The following TTK variants were observed in gnomAD, a reference collection of about 807,000 sequenced individuals.
TTK encodes the protein TTK protein kinase, also known as dual specificity protein kinase TTK.
In TTK, 59 loss-of-function variants were observed where a neutral mutation model predicts 117.3. That is an observed-to-expected ratio of 0.50 (90% CI 0.41 to 0.62). The LOEUF is 0.62. TTK is among the 20% of genes least tolerant of loss of function. The pLI, the probability that TTK is intolerant of heterozygous loss-of-function variation, is 0.00. For missense variants in TTK, 921 were observed against 989.4 expected, an observed-to-expected ratio of 0.93 and a Z score of 0.93; for synonymous variants, 302 against 325.0, an observed-to-expected ratio of 0.93 and a Z score of 0.76.
chr6:80,039,560 T>C (rs1018626600), intron 18 of TTK, 136 bp from the exon 19 acceptor site: 6 of 541,424 alleles, frequency 1.1e-5, no homozygotes, highest in African/African-American at 1.0e-4. Flanking sequence ...AAAGATGTTT[T>C]GTCATGTTAA....
intron 4 of TTK, among the ~76,000 whole-genome samples, chr6:80,008,987 TTTAAAA>T (rs1767073730): frequency 7.0e-6 from 1 of 143,488 alleles, no homozygotes; most frequent in Non-Finnish European, 1.5e-5. Context: ...TTGGTAGTTC[TTTAAAA>T]TAAAAAAGTA....
intron 14 of TTK, 51 bp downstream of exon 14, chr6:80,031,610 T>C (rs1554169515): frequency 7.3e-7 from 1 of 1,366,868 alleles, no homozygotes. Flanking sequence ...TTAAACTTTC[T>C]GTTTTTTTGT....
chr6:80,035,239 T>C, intron 15 of TTK, 27 bp from the exon 16 acceptor site: 1 of 1,563,768 alleles, frequency 6.4e-7, no homozygotes, highest in Non-Finnish European at 8.6e-7. Flanking sequence ...ATTTATTGTT[T>C]TGTTGCTTTT....
intron 8 of TTK, 36 bp downstream of exon 8, chr6:80,012,016 G>T: frequency 2.6e-6 from 4 of 1,543,116 alleles, no homozygotes; most frequent in African/African-American, 2.8e-5. Flanking sequence ...TTTGTTGTCC[G>T]TATGGGAAGA....
At chr6:80,011,131 G>A (rs1767135706) in intron 5 of TTK, among the ~76,000 whole-genome samples, 174 bp downstream of exon 5, 1 of 151,594 alleles carries the variant, frequency 6.6e-6, no homozygotes, top group Non-Finnish European at 1.5e-5. Flanking sequence ...ATGCAAATTT[G>A]TCTTTTTTGC....
chr6:80,009,986 T>C (rs1234996598), intron 4 of TTK, among the ~76,000 whole-genome samples: 2 of 152,118 alleles, frequency 1.3e-5, no homozygotes, highest in Admixed American at 6.6e-5. Context: ...TTAGTAAATG[T>C]AGATGTAAGC....
chr6:80,022,545 A>T (rs1177305619), intron 11 of TTK, 73 bp downstream of exon 11: 1 of 1,467,340 alleles, frequency 6.8e-7, no homozygotes, highest in African/African-American at 1.4e-5. Context: ...GATCATATTA[A>T]ATGTTTTCTT....
intron 10 of TTK, among the ~76,000 whole-genome samples, chr6:80,016,182 T>C (rs1386160184): frequency 6.6e-6 from 1 of 152,230 alleles, no homozygotes; most frequent in East Asian, 1.9e-4. Context: ...CTGCTATGAA[T>C]ATTTTGGTGT....
At chr6:80,006,071 T>A in intron 2 of TTK, 89 bp downstream of exon 2, 1 of 1,493,492 alleles carries the variant, frequency 6.7e-7, no homozygotes, top group Non-Finnish European at 9.1e-7. Flanking sequence ...ATTTATAATT[T>A]ACTCATGTGT....
At chr6:80,035,634 G>A (rs1366135029) in intron 16 of TTK, among the ~76,000 whole-genome samples, 1 of 152,094 alleles carries the variant, frequency 6.6e-6, no homozygotes, top group Non-Finnish European at 1.5e-5. Context: ...TCCGACATCT[G>A]TAATACAAAA....
chr6:80,031,979 G>A (rs766163332), intron 14 of TTK, among the ~76,000 whole-genome samples: 2 of 152,084 alleles, frequency 1.3e-5, no homozygotes, highest in Non-Finnish European at 2.9e-5. Context: ...TTCAGAAACA[G>A]AATTCAGTAA....
At position 80,005,867 on chromosome 6, in the gene TTK, C is replaced by T. The variant is rs1310881228; in HGVS notation, c.24C>T (p.Gly8=). 5.6e-6 allele frequency: 9 copies of T among 1,612,666 alleles called. No homozygotes were observed. The highest frequency in any genetic ancestry group is 7.6e-6 in the Non-Finnish European group (9 of 1,179,602). ...AAATGGAATCCGAGGATTTAAGTGG[C>T]AGAGAATTGACAATTGATTCCATAA... The part of the protein sequence containing the change: MESEDLS[G]RELTIDSIMN... The change falls in exon 2 of 22, where the codon GGC becomes GGT. Residue 8 remains glycine, a synonymous_variant. Transcript: ENST00000369798.
At chr6:80,026,252 C>A in intron 11 of TTK, 126 bp from the exon 12 acceptor site, 1 of 965,350 alleles carries the variant, frequency 1.0e-6, no homozygotes, top group Non-Finnish European at 1.5e-6. Context: ...ATATGCCTAT[C>A]TCTTTTAGTA....
Position 80,040,618 on chromosome 6 carries a change from C to A in TTK, c.2405C>A (p.Ala802Asp). 1.2e-6 allele frequency: 2 copies of A among 1,611,378 alleles called. No homozygotes were observed. The highest frequency in any genetic ancestry group is 1.7e-6 in the Non-Finnish European group (2 of 1,178,370). ...QIQTHPVNQM[A>D]KGTTEEMKYV... ...ATTTATTTTATAGTTAACCAAATGG[C>A]CAAGGGAACCACTGAAGAAATGAAA... is the stretch of plus-strand genomic sequence containing the variant. The change falls in exon 21 of 22, where the codon GCC becomes GAC. Residue 802 changes from alanine (A) to aspartate (D), a missense_variant. By Grantham distance (126) the Ala-to-Asp change is moderately radical (BLOSUM62 -2). Coordinates refer to ENST00000369798, the MANE Select transcript of TTK (RefSeq NM_003318.5).
At chr6:80,015,530 A>G (rs1000819807) in intron 10 of TTK, among the ~76,000 whole-genome samples, 56 of 152,182 alleles carry the variant, frequency 3.7e-4, no homozygotes, top group Non-Finnish European at 8.8e-5. Flanking sequence ...CTGAAAGTCC[A>G]ATATCCCAAG....
Position 80,011,480 on chromosome 6 carries a change from G to C in TTK, c.660G>C (p.Gly220=). The C allele has an allele frequency of 6.2e-7, 1 of 1,608,096 alleles. No individual in the cohort carries two copies. Among genetic ancestry groups the C allele is most frequent in the Non-Finnish European group, 8.5e-7 (1 of 1,177,784 alleles). The change falls in exon 6 of 22, where the codon GGG becomes GGC. Residue 220 remains glycine (G), a synonymous_variant. Transcript: ENST00000369798. The part of the protein sequence containing the change: ...TAQESFSGSL[G]HLQNRNNSCD... ...AAGAATCATTTTCCGGTTCACTTGG[G>C]CATTTACAGAATAGGAACAACAGTT...
Position 80,014,513 on chromosome 6 carries a change from T to C in TTK, c.1035T>C (p.Ser345=). Residue 345 remains serine (S), a synonymous_variant, in exon 10 of 22, where the codon AGT becomes AGC. Transcript: ENST00000369798. ...AACCTCTGGTGTCAGATGAAAAGAGTTCTGAACTTATTATTACTGATTCAA... is the reference window on the plus strand; with the variant it reads ...AACCTCTGGTGTCAGATGAAAAGAGCTCTGAACTTATTATTACTGATTCAA... ...FKEPLVSDEK[S]SELIITDSIT... is the part of the protein sequence containing the mutation. 6.2e-7 allele frequency: 1 copy of C among 1,609,954 alleles called. No homozygotes were observed. Among genetic ancestry groups the C allele is most frequent in the Non-Finnish European group, 8.5e-7 (1 of 1,177,912 alleles).
chr6:80,010,869 A>C lies in TTK; in HGVS notation c.525A>C (p.Val175=), dbSNP rs775794689. The C allele has an allele frequency of 1.2e-6, 2 of 1,612,614 alleles. No homozygotes were observed. Among genetic ancestry groups the C allele is most frequent in the Non-Finnish European group, 1.7e-6 (2 of 1,178,862 alleles). The change falls in exon 5 of 22, where the codon GTA becomes GTC. Residue 175 remains valine (V), a synonymous_variant. Transcript: ENST00000369798. The part of the protein sequence containing the change: ...LLQKAVERGA[V]PLEMLEIALR... ...AAAAAGCTGTAGAACGTGGAGCAGT[A>C]CCACTAGAAATGCTGGAAATTGCCC...
At chr6:80,026,933 G>T (rs1767623128) in intron 12 of TTK, among the ~76,000 whole-genome samples, 1 of 152,110 alleles carries the variant, frequency 6.6e-6, no homozygotes, top group African/African-American at 2.4e-5. Context: ...GGAAGAGATT[G>T]GTTTTTACAG....
Sources: allele counts gnomAD v4.1 joint callset (sites outside exome capture counted in the v4.1 genomes callset), GRCh38; gene constraint gnomAD v4.1.1; transcripts MANE v1.5; gene names NCBI Gene and HGNC (gene_info 2026-07-23, HGNC 2026-07-21).